The following LRRC66 variants were observed in gnomAD, a reference collection of about 807,000 sequenced individuals.
LRRC66 encodes leucine-rich repeat-containing protein 66.
Under a neutral mutation model 24.6 loss-of-function variants are expected in LRRC66, and 29 were observed. That is an observed-to-expected ratio of 1.18 (90% CI 0.88 to 1.61). The LOEUF is 1.61. Among genes scored for constraint, LRRC66 ranks in the 40% most tolerant of loss-of-function variants. The probability of loss-of-function intolerance (pLI) is 0.00; values close to 1 mark genes in which losing one functional copy is unlikely to be tolerated. For synonymous variants in LRRC66, 411 were observed against 397.6 expected, an observed-to-expected ratio of 1.03 and a Z score of -0.40; for missense variants, 1,124 against 1,058.0, an observed-to-expected ratio of 1.06 and a Z score of -0.87.
At chr4:51,997,548 A>G (rs541406262) in intron 4 of LRRC66, among the ~76,000 whole-genome samples, 200 bp downstream of exon 4, 1 of 152,372 alleles carries the variant, frequency 6.6e-6, no homozygotes, top group South Asian at 2.1e-4. Context: ...CTTTGACCAC[A>G]TGAAGAAAAT....
intron 3 of LRRC66, among the ~76,000 whole-genome samples, chr4:52,001,778 T>G (rs1186932466): frequency 2.0e-5 from 3 of 152,160 alleles, no homozygotes; most frequent in Non-Finnish European, 2.9e-5. Flanking sequence ...GAAGAGGGAC[T>G]CCAGGAGCCA....
intron 2 of LRRC66, among the ~76,000 whole-genome samples, chr4:52,009,704 C>T (rs760703452): frequency 2.0e-5 from 3 of 152,064 alleles, no homozygotes; most frequent in Non-Finnish European, 2.9e-5. Flanking sequence ...TAATTAAATA[C>T]CTTCCCATGA....
At chr4:52,017,723 G>T in intron 1 of LRRC66, 105 bp from the exon 2 acceptor site, 1 of 1,380,730 alleles carries the variant, frequency 7.2e-7, no homozygotes. Context: ...AAGTTATCTT[G>T]TCTTGGTTGC....
intron 2 of LRRC66, among the ~76,000 whole-genome samples, chr4:52,010,613 A>T (rs1736678578): frequency 6.6e-6 from 1 of 152,190 alleles, no homozygotes; most frequent in Non-Finnish European, 1.5e-5. Context: ...AGCTACATCC[A>T]TGTTGCTGCA....
chr4:51,997,943 T>A lies in LRRC66; in HGVS notation c.667-6A>T. The A allele has an allele frequency of 6.2e-7, 1 of 1,609,882 alleles. No individual in the cohort carries two copies. The highest frequency in any genetic ancestry group is 8.5e-7 in the Non-Finnish European group (1 of 1,177,142). On this transcript the variant is annotated splice_polypyrimidine_tract_variant and splice_region_variant and intron_variant, in intron 3 of 4. Coordinates refer to ENST00000682860, the MANE Select transcript of LRRC66 (RefSeq NM_001024611.3). ...TTGTTGCTAAGGTCTATGACCTGTTTGAGAAGAAACAAGTTTAGGATGGTC... is the reference window on the plus strand; with the variant it reads ...TTGTTGCTAAGGTCTATGACCTGTTAGAGAAGAAACAAGTTTAGGATGGTC...
chr4:51,994,958 C>T lies in LRRC66; in HGVS notation c.2064G>A (p.Gln688=). ...DVTPANKEPV[Q]KSTPSDTCCE... ...AGCAAGTGTCAGAAGGAGTGGATTT[C>T]TGCACTGGTTCCTTGTTAGCAGGAG... The change falls in exon 5 of 5, where the codon CAG becomes CAA. Residue 688 remains glutamine (Q), a synonymous_variant. Coordinates refer to ENST00000682860, the MANE Select transcript of LRRC66 (RefSeq NM_001024611.3). 1 of 1,614,156 alleles carries T rather than the reference C, an allele frequency of 6.2e-7. No individual in the cohort carries two copies. Among genetic ancestry groups the T allele is most frequent in the Non-Finnish European group, 8.5e-7 (1 of 1,180,052 alleles).
chr4:52,004,340 T>C (rs1171921479), intron 2 of LRRC66, among the ~76,000 whole-genome samples: 2 of 152,218 alleles, frequency 1.3e-5, no homozygotes, highest in East Asian at 3.8e-4. Context: ...TGTCCTTTCT[T>C]ATAGCTACTT....
chr4:51,998,872 A>C (rs564142579), intron 3 of LRRC66, among the ~76,000 whole-genome samples: 2 of 152,316 alleles, frequency 1.3e-5, no homozygotes, highest in South Asian at 4.1e-4. Context: ...ATTTTCACCT[A>C]TTCTACAGAG....
chr4:52,011,208 T>C (rs1736692884), intron 2 of LRRC66, among the ~76,000 whole-genome samples: 1 of 152,188 alleles, frequency 6.6e-6, no homozygotes, highest in African/African-American at 2.4e-5. Flanking sequence ...ATTATGGCTT[T>C]TAGTCCAAAG....
chr4:52,012,485 G>A (rs777485913), intron 2 of LRRC66, among the ~76,000 whole-genome samples: 15 of 152,092 alleles, frequency 9.9e-5, no homozygotes, highest in Admixed American at 2.6e-4. Flanking sequence ...TTTGTATAGC[G>A]TCTCTCAGGA....
intron 2 of LRRC66, among the ~76,000 whole-genome samples, chr4:52,007,062 A>C (rs1218899854): frequency 1.3e-5 from 2 of 152,226 alleles, no homozygotes; most frequent in Non-Finnish European, 2.9e-5. Flanking sequence ...GCCATGGTAC[A>C]TAATGAAATT....
Position 51,994,519 on chromosome 4 carries a change from C to T in LRRC66, c.2503G>A (p.Ala835Thr), listed in dbSNP as rs1418194973. ...TCTCTAAGTGAGCAATGCCATTCTG[C>T]TGCCTTGGATTGAAGAGCTGTGTCA... ...DYDTALQSKA[A>T]EWHCSLRDLE... is the part of the protein sequence containing the mutation. The change falls in exon 5 of 5, where the codon GCA (alanine) becomes ACA (threonine). Residue 835 changes from alanine to threonine, a missense_variant. Physicochemically the swap from Ala to Thr is moderately conservative, Grantham distance 58. Coordinates refer to ENST00000682860, the MANE Select transcript of LRRC66 (RefSeq NM_001024611.3). The T allele has an allele frequency of 6.2e-7, 1 of 1,614,202 alleles. No homozygotes were observed. The highest frequency in any genetic ancestry group is 1.7e-5 in the Admixed American group (1 of 60,024).
chr4:52,018,488 T>C, intron 1 of LRRC66: 2 of 985,404 alleles, frequency 2.0e-6, no homozygotes, highest in Non-Finnish European at 2.4e-6. Flanking sequence ...AAATTGTCCC[T>C]TCCTTTCTGT....
At chr4:51,996,390 G>T (rs968959387) in intron 4 of LRRC66, among the ~76,000 whole-genome samples, 3 of 151,332 alleles carry the variant, frequency 2.0e-5, no homozygotes, top group African/African-American at 7.3e-5. Flanking sequence ...GGGACTACAG[G>T]TGTGTGTCAC....
In LRRC66 at chr4:51,995,182, A is replaced by C. The variant is rs778964076; in HGVS notation, c.1840T>G (p.Trp614Gly). 7 of 1,614,108 alleles carry C rather than the reference A, an allele frequency of 4.3e-6. No homozygotes were observed. In the African/African-American group the frequency reaches 9.3e-5, roughly 22 times the overall value. Residue 614 changes from tryptophan (W) to glycine (G), a missense_variant, in exon 5 of 5, where the codon TGG (tryptophan) becomes GGG (glycine). Transcript: ENST00000682860. Reference protein sequence around the residue: ...KERGGTEQSLWDSQMEFSKER... With the variant: ...KERGGTEQSLGDSQMEFSKER... ...TTAGAAAATTCCATCTGCGAGTCCC[A>C]AAGTGACTGTTCAGTGCCCCCTCTT...
chr4:52,016,375 G>A (rs534643686), intron 2 of LRRC66, among the ~76,000 whole-genome samples: 58 of 152,280 alleles, frequency 3.8e-4, no homozygotes, highest in African/African-American at 1.3e-3. Context: ...TTAGCAAAGA[G>A]TGAACAAGCC....
intron 3 of LRRC66, among the ~76,000 whole-genome samples, chr4:52,001,303 G>C (rs1560558303): frequency 6.6e-6 from 1 of 152,198 alleles, no homozygotes; most frequent in Non-Finnish European, 1.5e-5. Context: ...TAGCAAAACT[G>C]ACAGGATTAA....
chr4:51,995,618 G>A lies in LRRC66; in HGVS notation c.1404C>T (p.Thr468=). ...FWVTQPHPHA[T]VIPDRTLGRS... ...TTCCCAGAGTTCTATCAGGAATTAC[G>A]GTGGCGTGTGGGTGTGGCTGTGTCA... The change falls in exon 5 of 5, where the codon ACC becomes ACT. Residue 468 remains threonine, a synonymous_variant. Transcript: ENST00000682860. 2 of 1,614,088 alleles carry A rather than the reference G, an allele frequency of 1.2e-6. No individual in the cohort carries two copies. Among genetic ancestry groups the A allele is most frequent in the South Asian group, 1.1e-5 (1 of 91,072 alleles).
intron 2 of LRRC66, among the ~76,000 whole-genome samples, chr4:52,011,387 C>T (rs1366459277): frequency 6.6e-6 from 1 of 152,148 alleles, no homozygotes; most frequent in Admixed American, 6.5e-5. Flanking sequence ...GTGATGGTTT[C>T]ATGAGTCAGT....
Sources: allele counts gnomAD v4.1 joint callset (sites outside exome capture counted in the v4.1 genomes callset), GRCh38; gene constraint gnomAD v4.1.1; transcripts MANE v1.5; gene names NCBI Gene and HGNC (gene_info 2026-07-23, HGNC 2026-07-21).